The following LRRTM4 variants were observed in gnomAD, a reference collection of about 807,000 sequenced individuals.
LRRTM4 encodes the protein leucine-rich repeat transmembrane neuronal protein 4.
A neutral mutation model predicts 47.6 loss-of-function variants in LRRTM4; 25 were observed. That is an observed-to-expected ratio of 0.53 (90% CI 0.38 to 0.73). LRRTM4 has a LOEUF of 0.73. LRRTM4 is among the 30% of genes least tolerant of loss of function. The pLI, the probability that LRRTM4 is intolerant of heterozygous loss-of-function variation, is 0.00. For missense variants in LRRTM4, 638 were observed against 713.4 expected (o/e 0.89, Z 1.20); for synonymous variants, 311 against 269.5 (o/e 1.15, Z -1.51).
intron 3 of LRRTM4, among the ~76,000 whole-genome samples, chr2:77,412,484 A>T: frequency 6.6e-6 from 1 of 152,144 alleles, no homozygotes; most frequent in East Asian, 1.9e-4. Context: ...TGCCTTCTTG[A>T]TGTGCTAACC....
chr2:76,936,601 A>ATT (rs1674958548), intron 3 of LRRTM4, among the ~76,000 whole-genome samples: 1 of 149,286 alleles, frequency 6.7e-6, no homozygotes, highest in Non-Finnish European at 1.5e-5. Context: ...AAAAAAAAAA[A>ATT]GAAAGAAAAA....
intron 3 of LRRTM4, among the ~76,000 whole-genome samples, chr2:77,496,682 T>A (rs1457134948): frequency 6.6e-6 from 1 of 151,810 alleles, no homozygotes; most frequent in Non-Finnish European, 1.5e-5. Flanking sequence ...TTTTGGGGTA[T>A]GACTGATAAA....
intron 3 of LRRTM4, among the ~76,000 whole-genome samples, chr2:76,910,102 TC>T: frequency 6.6e-6 from 1 of 152,044 alleles, no homozygotes; most frequent in East Asian, 1.9e-4. Context: ...AACCCAAATG[TC>T]CAACAATGAT....
At chr2:76,924,344 G>T (rs1674523518) in intron 3 of LRRTM4, among the ~76,000 whole-genome samples, 1 of 151,928 alleles carries the variant, frequency 6.6e-6, no homozygotes, top group South Asian at 2.1e-4. Flanking sequence ...AGTTCTATGT[G>T]ATTATGTAGA....
intron 3 of LRRTM4, among the ~76,000 whole-genome samples, chr2:76,932,844 A>T (rs1033092617): frequency 4.0e-5 from 6 of 151,618 alleles, no homozygotes; most frequent in African/African-American, 1.5e-4. Flanking sequence ...TTGGTATTTA[A>T]TTTTTTAAAT....
At chr2:76,992,977 C>G (rs1677063730) in intron 3 of LRRTM4, among the ~76,000 whole-genome samples, 1 of 151,738 alleles carries the variant, frequency 6.6e-6, no homozygotes. Flanking sequence ...CCCACACCTA[C>G]AACCATCTGA....
rs185312618 is a variant in LRRTM4 at position 77,283,738 on chromosome 2, G to A, written c.1551+234580C>T. Among the ~76,000 whole-genome samples the A allele has an allele frequency of 8.7e-4, 132 of 152,054 alleles. 1 individual carries two copies. The highest frequency in any genetic ancestry group is 7.7e-4 in the East Asian group (4 of 5,170). ...TGCAGGAGCAAAAAATCAAAATACCGCATGTTCTCAATTATAAATGGGAAC... is the reference window on the plus strand; with the variant it reads ...TGCAGGAGCAAAAAATCAAAATACCACATGTTCTCAATTATAAATGGGAAC... On this transcript the variant is annotated intron_variant, in intron 3 of 3. Coordinates refer to ENST00000409884, the MANE Select transcript of LRRTM4 (RefSeq NM_001134745.3).
intron 3 of LRRTM4, among the ~76,000 whole-genome samples, chr2:77,446,662 T>C (rs1454600910): frequency 6.6e-6 from 1 of 152,020 alleles, no homozygotes; most frequent in African/African-American, 2.4e-5. Context: ...ATTTTATTGA[T>C]GTAAACAAGA....
At chr2:77,501,352 C>T (rs1459214716) in intron 3 of LRRTM4, among the ~76,000 whole-genome samples, 2 of 150,456 alleles carry the variant, frequency 1.3e-5, no homozygotes, top group Non-Finnish European at 3.0e-5. Context: ...AGTCCATACG[C>T]ATAACATATA....
chr2:77,439,631 G>A lies in LRRTM4; in HGVS notation c.1551+78687C>T, dbSNP rs906140859. ...TATTTTATTAATCTCTAAATTTAAT[G>A]CAATAAGAATTAAAGTCCAAATAAG... is the stretch of plus-strand genomic sequence containing the variant. On this transcript the variant is annotated intron_variant, in intron 3 of 3. Coordinates refer to ENST00000409884, the MANE Select transcript of LRRTM4 (RefSeq NM_001134745.3). Among the ~76,000 whole-genome samples the A allele has an allele frequency of 3.3e-5, 5 of 152,016 alleles. No individual in the cohort carries two copies. In the South Asian group the frequency reaches 1.0e-3, roughly 32 times the overall value.
intron 3 of LRRTM4, among the ~76,000 whole-genome samples, chr2:77,136,298 G>C (rs1671939953): frequency 6.6e-6 from 1 of 152,092 alleles, no homozygotes; most frequent in Non-Finnish European, 1.5e-5. Flanking sequence ...GAACGATCAG[G>C]CAACAACTTT....
chr2:76,826,093 C>T (rs189061395), intron 3 of LRRTM4, among the ~76,000 whole-genome samples: 6 of 151,582 alleles, frequency 4.0e-5, no homozygotes, highest in East Asian at 1.9e-4. Context: ...ATAAGGAAGG[C>T]GAGATTGTAT....
intron 3 of LRRTM4, among the ~76,000 whole-genome samples, chr2:77,288,648 CAAAG>C (rs1055928352): frequency 4.6e-5 from 7 of 152,016 alleles, no homozygotes; most frequent in African/African-American, 1.7e-4. Flanking sequence ...AAAATACACA[CAAAG>C]AAATAAACAT....
At chr2:76,860,040 C>G (rs1672265803) in intron 3 of LRRTM4, among the ~76,000 whole-genome samples, 1 of 151,992 alleles carries the variant, frequency 6.6e-6, no homozygotes, top group Non-Finnish European at 1.5e-5. Flanking sequence ...CTTTCCCACT[C>G]AATACAGAAA....
Position 77,176,979 on chromosome 2 carries a change from A to T in LRRTM4, c.1551+341339T>A, listed in dbSNP as rs187947513. On this transcript the variant is annotated intron_variant, in intron 3 of 3. Coordinates refer to ENST00000409884, the MANE Select transcript of LRRTM4 (RefSeq NM_001134745.3). ...ACCAGTCCCACGGCAGCTTCCAGAAATTATCACATATGGTCTGAAAAAGGG... is the reference window on the plus strand; with the variant it reads ...ACCAGTCCCACGGCAGCTTCCAGAATTTATCACATATGGTCTGAAAAAGGG... Among the ~76,000 whole-genome samples the T allele has an allele frequency of 2.9e-3, 438 of 152,288 alleles. 2 individuals carry two copies. The highest frequency in any genetic ancestry group is 5.2e-3 in the Non-Finnish European group (356 of 68,018).
chr2:77,170,650 C>A (rs1256078686), intron 3 of LRRTM4, among the ~76,000 whole-genome samples: 1 of 152,050 alleles, frequency 6.6e-6, no homozygotes, highest in Non-Finnish European at 1.5e-5. Flanking sequence ...TTATTTCTGG[C>A]AGATATTTGG....
At chr2:77,495,917 G>A (rs569157943) in intron 3 of LRRTM4, among the ~76,000 whole-genome samples, 1 of 152,010 alleles carries the variant, frequency 6.6e-6, no homozygotes, top group Admixed American at 6.6e-5. Flanking sequence ...CTACCAAAAA[G>A]GAGGCTGCTT....
intron 3 of LRRTM4, among the ~76,000 whole-genome samples, chr2:77,230,482 C>T (rs887926628): frequency 3.9e-5 from 6 of 152,146 alleles, no homozygotes; most frequent in African/African-American, 1.4e-4. Flanking sequence ...AACTCTGTTG[C>T]ATAACCAATT....
rs924374374 is a variant in LRRTM4 at position 76,910,641 on chromosome 2, C to T, written c.1552-161725G>A. On this transcript the variant is annotated intron_variant, in intron 3 of 3. Transcript: ENST00000409884. ...GAGCTAGTATTAAATTTTTTATTCACGACCATAAATAATAACTTTGTGGCT... is the reference window on the plus strand; with the variant it reads ...GAGCTAGTATTAAATTTTTTATTCATGACCATAAATAATAACTTTGTGGCT... Among the ~76,000 whole-genome samples, 8 of 152,234 alleles carry T rather than the reference C, an allele frequency of 5.3e-5. No individual in the cohort carries two copies. The East Asian group carries it at 7.7e-4, about 15-fold the overall frequency.
Sources: allele counts gnomAD v4.1 joint callset (sites outside exome capture counted in the v4.1 genomes callset), GRCh38; gene constraint gnomAD v4.1.1; transcripts MANE v1.5; gene names NCBI Gene and HGNC (gene_info 2026-07-23, HGNC 2026-07-21).